Variants in AHRR observed in about 807,000 individuals in gnomAD.
AHRR encodes ahR repressor.
A neutral mutation model predicts 44.0 loss-of-function variants in AHRR; 28 were observed. The ratio of observed to expected loss-of-function variants is 0.64; its 90% CI spans 0.47 to 0.87. AHRR has a LOEUF of 0.87. AHRR is among the 40% of genes least tolerant of loss of function. The pLI, the probability that AHRR is intolerant of heterozygous loss-of-function variation, is 0.00. For synonymous variants in AHRR, 434 were observed against 407.0 expected (o/e 1.07, Z -0.80); for missense variants, 990 against 953.9 (o/e 1.04, Z -0.50).
At chr5:409,112 T>C (rs1735378237) in intron 4 of AHRR, among the ~76,000 whole-genome samples, 1 of 152,224 alleles carries the variant, frequency 6.6e-6, no homozygotes, top group Admixed American at 6.5e-5. Context: ...ATCTGATTTT[T>C]ATTTAACGTA....
intron 3 of AHRR, chr5:367,935 T>G (rs1452661457): frequency 1.4e-6 from 1 of 702,574 alleles, no homozygotes; most frequent in South Asian, 1.5e-5. Flanking sequence ...TCGGTCTGCA[T>G]CTGTTGATGG....
intron 3 of AHRR, chr5:368,091 T>C: frequency 1.7e-6 from 1 of 598,318 alleles, no homozygotes; most frequent in African/African-American, 1.9e-5. Flanking sequence ...TACCTACGAA[T>C]TCATTATTTA....
At chr5:391,355 G>A (rs1187086075) in intron 4 of AHRR, among the ~76,000 whole-genome samples, 26 of 125,250 alleles carry the variant, frequency 2.1e-4, no homozygotes, top group African/African-American at 7.4e-4. Flanking sequence ...GCAGGGCGAG[G>A]CAGGGCCAGA....
At chr5:331,388 G>GT (rs58972684) in intron 1 of AHRR, among the ~76,000 whole-genome samples, 99,225 of 151,742 alleles carry the variant, frequency 0.65, 32,985 homozygotes, top group African/African-American at 0.7. Context: ...TGTGGTATTA[G>GT]TGTTTTCCTT....
chr5:348,420 G>A (rs1264568460), intron 2 of AHRR, among the ~76,000 whole-genome samples: 3 of 151,996 alleles, frequency 2.0e-5, no homozygotes, highest in African/African-American at 7.2e-5. Flanking sequence ...GGTGTGCAGC[G>A]GGTCCATTTT....
chr5:370,044 C>T lies in AHRR; in HGVS notation c.245-6566C>T, dbSNP rs917687810. On this transcript the variant is annotated intron_variant, in intron 3 of 10. Transcript: ENST00000684583. The surrounding 1 kb of genome is among the most constrained non-coding windows in gnomAD (Gnocchi z 4.5). ...CTCTGAGAGCACTGCCCTGCCCTCC[C>T]GGGCTCTTGCTGGTGCCCCATCCTC... is the stretch of plus-strand genomic sequence containing the variant. Among the ~76,000 whole-genome samples, 3 of 152,066 alleles carry T rather than the reference C, an allele frequency of 2.0e-5. No homozygotes were observed. The highest frequency in any genetic ancestry group is 7.2e-5 in the African/African-American group (3 of 41,414).
At chr5:427,605 G>C in intron 7 of AHRR, 1 of 1,611,746 alleles carries the variant, frequency 6.2e-7, no homozygotes, top group Non-Finnish European at 8.5e-7. Context: ...GATGGTTTCA[G>C]GATGATTCAA....
At chr5:432,364 A>G in intron 8 of AHRR, 99 bp from the exon 9 acceptor site, 2 of 1,185,354 alleles carry the variant, frequency 1.7e-6, no homozygotes, top group South Asian at 2.5e-5. Flanking sequence ...TGTGACAGCA[A>G]TACCTGTCAT....
At position 411,428 on chromosome 5, in the gene AHRR, G is replaced by GGCAGTT. The variant is rs1735464024; in HGVS notation, c.352-1916_352-1915insGCAGTT. 6.6e-6 allele frequency among the ~76,000 whole-genome samples: 1 copy of GGCAGTT among 151,986 alleles called. No homozygotes were observed. Among genetic ancestry groups the GGCAGTT allele is most frequent in the African/African-American group, 2.4e-5 (1 of 41,348 alleles). Reference sequence around the variant, plus strand: ...GTGGGGGATTTGGATTTAGGTAACTGCCATTATCCTTGGCTGCCTAGGAGT... The same window carrying GGCAGTT: ...GTGGGGGATTTGGATTTAGGTAACTGGCAGTTCCATTATCCTTGGCTGCCTAGGAGT... On this transcript the variant is annotated intron_variant, in intron 4 of 10. Coordinates refer to ENST00000684583, the MANE Select transcript of AHRR (RefSeq NM_001377236.1). The surrounding 1 kb of genome is among the most constrained non-coding windows in gnomAD (Gnocchi z 4.2).
At position 438,186 on chromosome 5, in the gene AHRR, T is replaced by G. The variant is rs757641489; in HGVS notation, c.*3352T>G. 4 of 152,394 alleles carry G rather than the reference T, an allele frequency of 2.6e-5. No individual in the cohort carries two copies. Among genetic ancestry groups the G allele is most frequent in the Admixed American group, 6.5e-5 (1 of 15,292 alleles). The allele number at this position is 152,394 out of a possible 1,614,324, so 9.4% of individuals were successfully genotyped here. ...GCAACTTTCTCTACTGCTTTCTCAG[T>G]GCCTTTAGGAAGCTTTCAAATTTTT... On this transcript the variant is annotated 3_prime_UTR_variant, in exon 11 of 11. Transcript: ENST00000684583.
At chr5:421,785 C>T (rs890754700) in intron 5 of AHRR, among the ~76,000 whole-genome samples, 6 of 152,198 alleles carry the variant, frequency 3.9e-5, no homozygotes, top group Non-Finnish European at 7.3e-5. Context: ...GTTCGGGGAG[C>T]CCCGCAGGTC....
Position 434,590 on chromosome 5 carries a change from C to T in AHRR, c.1850C>T (p.Ala617Val). Residue 617 changes from alanine (A) to valine (V), a missense_variant, in exon 11 of 11, where the codon GCC (alanine) becomes GTC (valine). Coordinates refer to ENST00000684583, the MANE Select transcript of AHRR (RefSeq NM_001377236.1). Reference sequence around the variant, plus strand: ...ACCCCTTTCCACCCTGCACACTGTGCCTGCCTGGAGCCCACAGACGGCCTT... The same window carrying T: ...ACCCCTTTCCACCCTGCACACTGTGTCTGCCTGGAGCCCACAGACGGCCTT... ...ELTPFHPAHC[A>V]CLEPTDGLPQ... 2 of 1,573,370 alleles carry T rather than the reference C, an allele frequency of 1.3e-6. No individual in the cohort carries two copies. Among genetic ancestry groups the T allele is most frequent in the Non-Finnish European group, 1.7e-6 (2 of 1,159,820 alleles).
In AHRR at chr5:348,715, G is replaced by A. The variant is rs117599566; in HGVS notation, c.62+4751G>A. 2.4e-4 allele frequency among the ~76,000 whole-genome samples: 36 copies of A among 152,340 alleles called. No individual in the cohort carries two copies. The East Asian group carries it at 6.4e-3, about 27-fold the overall frequency. The stretch of plus-strand genomic sequence containing the variant: ...TTTTATTGCTGCGAAATGTTCTGTT[G>A]TATGGATAGACCAAGTCTGTTTATT... On this transcript the variant is annotated intron_variant, in intron 2 of 10. Transcript: ENST00000684583.
rs7700896 is a variant in AHRR, at chr5:337,188, A to G, written c.-10-6705A>G. On this transcript the variant is annotated intron_variant, in intron 1 of 10. Transcript: ENST00000684583. This position sits in a 1 kb window ranked among gnomAD's most constrained non-coding sequence, Gnocchi z 4.1. ...TTTCATCAGCTAGCATAGGTAATCA[A>G]CTATCAATATTGGCTGATCCAGTTT... Among the ~76,000 whole-genome samples, 1 of 152,304 alleles carries G rather than the reference A, an allele frequency of 6.6e-6. No individual in the cohort carries two copies. The highest frequency in any genetic ancestry group is 1.9e-4 in the East Asian group (1 of 5,184).
chr5:434,950 G>A lies in AHRR; in HGVS notation c.*116G>A. The A allele has an allele frequency of 1.5e-6, 2 of 1,366,370 alleles. No homozygotes were observed. Among genetic ancestry groups the A allele is most frequent in the East Asian group, 2.5e-5 (1 of 39,636 alleles). The allele number at this position is 1,366,370 out of a possible 1,614,324, so 84.6% of individuals were successfully genotyped here. A position where few individuals can be genotyped will look rare whatever the true frequency, so the allele number is the denominator to read the frequency against. ...CGTCCTAAGACACACGCTTTGCAGA[G>A]CTGTGCATGCGCAGTCTGCTAGTGT... On this transcript the variant is annotated 3_prime_UTR_variant, in exon 11 of 11. Coordinates refer to ENST00000684583, the MANE Select transcript of AHRR (RefSeq NM_001377236.1).
rs34453673 is a variant in AHRR, at chr5:434,607, G to C, written c.1867G>C (p.Asp623His). 0.36 allele frequency: 556,333 copies of C among 1,565,030 alleles called. 108,152 individuals are homozygous for C. Among genetic ancestry groups the C allele is most frequent in the Non-Finnish European group, 0.4 (465,029 of 1,155,024 alleles). ...ACACTGTGCCTGCCTGGAGCCCACA[G>C]ACGGCCTTCCCCAGTCGGAGCCTCC... ...PAHCACLEPT[D>H]GLPQSEPPHQ... is the part of the protein sequence containing the mutation. Residue 623 changes from aspartate to histidine, a missense_variant, in exon 11 of 11, where the codon GAC becomes CAC. Physicochemically the swap from Asp to His is moderately conservative, Grantham distance 81 (BLOSUM62 -1). Coordinates refer to ENST00000684583, the MANE Select transcript of AHRR (RefSeq NM_001377236.1).
rs1455831948 is a variant in AHRR at position 383,825 on chromosome 5, A to G, written c.351+7109A>G. Among the ~76,000 whole-genome samples, 2 of 152,208 alleles carry G rather than the reference A, an allele frequency of 1.3e-5. No homozygotes were observed. Among genetic ancestry groups the G allele is most frequent in the African/African-American group, 4.8e-5 (2 of 41,530 alleles). Reference sequence around the variant, plus strand: ...GCTGTCCTCCCACCCCCGGCCTCCCAAAGTGTTGAGATTACAGGTGTGAGC... The same window carrying G: ...GCTGTCCTCCCACCCCCGGCCTCCCGAAGTGTTGAGATTACAGGTGTGAGC... On this transcript the variant is annotated intron_variant, in intron 4 of 10. Transcript: ENST00000684583. The surrounding 1 kb of genome is among the most constrained non-coding windows in gnomAD (Gnocchi z 4.0).
chr5:353,793 C>T lies in AHRR; in HGVS notation c.126C>T (p.Ala42=), dbSNP rs201645903. Residue 42 remains alanine (A), a synonymous_variant, in exon 3 of 11, where the codon GCC becomes GCT. Coordinates refer to ENST00000684583, the MANE Select transcript of AHRR (RefSeq NM_001377236.1). ...PSKRHRDRLN[A]ELDHLASLLP... Reference sequence around the variant, plus strand: ...AGCGACACCGGGACCGCCTCAACGCCGAGTTGGACCACCTGGCCAGCCTGC... The same window carrying T: ...AGCGACACCGGGACCGCCTCAACGCTGAGTTGGACCACCTGGCCAGCCTGC... 19 of 1,613,874 alleles carry T rather than the reference C, an allele frequency of 1.2e-5. No individual in the cohort carries two copies. The highest frequency in any genetic ancestry group is 3.3e-5 in the Admixed American group (2 of 60,004).
intron 3 of AHRR, 95 bp from the exon 4 acceptor site, chr5:376,515 G>C: frequency 7.5e-7 from 1 of 1,326,430 alleles, no homozygotes; most frequent in Non-Finnish European, 1.0e-6. Context: ...GAGAACCGTG[G>C]GGTGAACGCG....
Sources: gnomAD v4.1 joint callset for allele counts (sites outside exome capture counted in the v4.1 genomes callset) on GRCh38, gnomAD v4.1.1 for gene constraint, Gnocchi (gnomAD v3.1) non-coding constraint, MANE v1.5 for transcripts, NCBI Gene and HGNC (gene_info 2026-07-23, HGNC 2026-07-21) for gene names.